BAIAP2: variants seen among roughly 807,000 people sequenced by gnomAD.
BAIAP2 encodes the protein BAR/IMD domain-containing adapter protein 2.
A neutral mutation model predicts 63.0 loss-of-function variants in BAIAP2; 18 were observed. That is an observed-to-expected ratio of 0.29 (90% CI 0.20 to 0.42). The LOEUF (loss-of-function observed/expected upper bound fraction) is 0.42, where lower values mean the gene tolerates loss of function less well. Among genes scored for constraint, BAIAP2 ranks in the 10% least tolerant of loss-of-function variants. BAIAP2 has a pLI of 1.00. For synonymous variants in BAIAP2, 386 were observed against 307.6 expected (o/e 1.25, Z -2.67); for missense variants, 610 against 734.3 (o/e 0.83, Z 1.96).
chr17:81,054,663 G>A (rs956123161), intron 2 of BAIAP2, among the ~76,000 whole-genome samples: 8 of 152,144 alleles, frequency 5.3e-5, no homozygotes, highest in East Asian at 1.9e-4. Flanking sequence ...ATGAGCGAAC[G>A]CCCTGCAGCT....
chr17:81,054,437 C>T (rs1028746526), intron 2 of BAIAP2, among the ~76,000 whole-genome samples: 7 of 152,286 alleles, frequency 4.6e-5, no homozygotes, highest in African/African-American at 9.6e-5. Flanking sequence ...AGCAACAAAG[C>T]TGGACAGCGG....
chr17:81,050,775 GCA>G, intron 1 of BAIAP2, among the ~76,000 whole-genome samples: 1 of 151,862 alleles, frequency 6.6e-6, no homozygotes, highest in Non-Finnish European at 1.5e-5. Context: ...ATGTGTGTAT[GCA>G]CACATGGGCA....
chr17:81,109,342 G>T, intron 13 of BAIAP2: 2 of 1,092,812 alleles, frequency 1.8e-6, no homozygotes, highest in Non-Finnish European at 2.2e-6. Flanking sequence ...CCGTGAGCCA[G>T]GTCTAAAGTT....
chr17:81,108,777 C>G, intron 13 of BAIAP2: 2 of 1,004,730 alleles, frequency 2.0e-6, no homozygotes, highest in Non-Finnish European at 1.4e-6. Context: ...GTAGCTGAGG[C>G]TGGCATCCAT....
At chr17:81,067,263 G>A (rs2051657150) in intron 3 of BAIAP2, among the ~76,000 whole-genome samples, 1 of 152,248 alleles carries the variant, frequency 6.6e-6, no homozygotes, top group Admixed American at 6.5e-5. Flanking sequence ...TGGGAAGGAC[G>A]CTGCCCTGGG....
At chr17:81,041,448 G>C (rs111640376) in intron 1 of BAIAP2, among the ~76,000 whole-genome samples, 1 of 152,362 alleles carries the variant, frequency 6.6e-6, no homozygotes, top group African/African-American at 2.4e-5. Context: ...TGGGGGAAAG[G>C]CTGTCAGTTA....
At chr17:81,111,596 G>C (rs949633880) in intron 13 of BAIAP2, among the ~76,000 whole-genome samples, 4 of 152,274 alleles carry the variant, frequency 2.6e-5, no homozygotes, top group African/African-American at 9.6e-5. Context: ...GGTTTGAGCT[G>C]ACGCTCACTC....
rs756201391 is a variant in BAIAP2 at position 81,035,225 on chromosome 17, C to T, written c.-30C>T. ...CTGCCGCCGCTTGCGTCCCCCGCTC[C>T]GGTCTGTGGTGCAGCCGGGACCCAG... On this transcript the variant is annotated 5_prime_UTR_variant, in exon 1 of 14. Coordinates refer to ENST00000428708, the MANE Select transcript of BAIAP2 (RefSeq NM_001144888.2). The T allele has an allele frequency of 9.5e-6, 14 of 1,474,310 alleles. No individual in the cohort carries two copies. Among genetic ancestry groups the T allele is most frequent in the Middle Eastern group, 1.8e-4 (1 of 5,522 alleles). The allele number at this position is 1,474,310 out of a possible 1,614,324, so 91.3% of individuals were successfully genotyped here. A position where few individuals can be genotyped will look rare whatever the true frequency, so the allele number is the denominator to read the frequency against.
chr17:81,096,385 A>G (rs2057614821), intron 6 of BAIAP2, among the ~76,000 whole-genome samples: 2 of 152,146 alleles, frequency 1.3e-5, no homozygotes, highest in African/African-American at 2.4e-5. Context: ...AGGCTGCCCC[A>G]CTTAAGGGAT....
chr17:81,108,654 T>C (rs1165000073), intron 13 of BAIAP2, 145 bp downstream of exon 13: 1 of 1,079,494 alleles, frequency 9.3e-7, no homozygotes, highest in East Asian at 2.6e-5. Flanking sequence ...GCCGGGGATG[T>C]CCCTTAGGGC....
chr17:81,088,224 G>A (rs2056060571), intron 6 of BAIAP2, among the ~76,000 whole-genome samples: 1 of 152,128 alleles, frequency 6.6e-6, no homozygotes, highest in Non-Finnish European at 1.5e-5. Context: ...CCAGGTGTGA[G>A]AGCTTGTCTT....
chr17:81,057,973 A>ACCCCCCCCCCCCCCCCCCCCCCCCCC lies in BAIAP2; in HGVS notation c.217+22_217+23insCCCCCCCCCCCCCCCCCCCCCCCCCC, dbSNP rs60972273. On this transcript the variant is annotated splice_region_variant and intron_variant, in intron 3 of 13. Transcript: ENST00000428708. ...CCAGGGCTCCAAAGAACTCGGTGAG[A>ACCCCCCCCCCCCCCCCCCCCCCCCCC]CCCCCCCCCCCCCCCCGCCTGGTAG... The ACCCCCCCCCCCCCCCCCCCCCCCCCC allele has an allele frequency of 3.9e-6, 3 of 765,814 alleles. No individual in the cohort carries two copies. Among genetic ancestry groups the ACCCCCCCCCCCCCCCCCCCCCCCCCC allele is most frequent in the South Asian group, 2.4e-5 (1 of 41,264 alleles). 47.4% of individuals were successfully genotyped at this position (765,814 alleles called of 1,614,324 possible).
Position 81,081,357 on chromosome 17 carries a change from G to A in BAIAP2, c.218-3475G>A, listed in dbSNP as rs974537533. On this transcript the variant is annotated intron_variant, in intron 3 of 13. Transcript: ENST00000428708. ...CCTCAGCACAGGGCAGTCTGCCCCC[G>A]GCCTGAAGCTTCCTGCGTCTGCTGT... 7.2e-5 allele frequency among the ~76,000 whole-genome samples: 11 copies of A among 152,202 alleles called. No homozygotes were observed. The East Asian group carries it at 7.7e-4, about 11-fold the overall frequency.
intron 6 of BAIAP2, among the ~76,000 whole-genome samples, chr17:81,096,871 C>A (rs115726040): frequency 2.4e-4 from 37 of 152,336 alleles, no homozygotes; most frequent in African/African-American, 8.4e-4. Flanking sequence ...GAGCAGGAAG[C>A]CCTGGTAGGT....
At chr17:81,051,995 G>A (rs2048747117) in intron 1 of BAIAP2, among the ~76,000 whole-genome samples, 1 of 152,224 alleles carries the variant, frequency 6.6e-6, no homozygotes, top group South Asian at 2.1e-4. Context: ...TGACCCAGCG[G>A]AATCTCTTAA....
intron 1 of BAIAP2, among the ~76,000 whole-genome samples, chr17:81,044,158 A>G (rs2047469594): frequency 6.6e-6 from 1 of 152,194 alleles, no homozygotes; most frequent in African/African-American, 2.4e-5. Flanking sequence ...GGGGCCGTAC[A>G]GGCATTCCTA....
Position 81,103,904 on chromosome 17 carries a change from CA to C in BAIAP2, c.865-2del. The C allele has an allele frequency of 6.2e-7, 1 of 1,612,822 alleles. No individual in the cohort carries two copies. The highest frequency in any genetic ancestry group is 8.5e-7 in the Non-Finnish European group (1 of 1,179,938). ...ACAGCCTGCTCTGCCTGCTTCCCTG[CA>C]GCGGATGTCTGCCCAGGAGAGCACA... On this transcript the variant is annotated splice_acceptor_variant, in intron 8 of 13. Transcript: ENST00000428708. LOFTEE classifies it high-confidence loss of function.
chr17:81,067,816 C>G (rs1429695987), intron 3 of BAIAP2, among the ~76,000 whole-genome samples: 1 of 152,246 alleles, frequency 6.6e-6, no homozygotes, highest in African/African-American at 2.4e-5. Context: ...TGGTCTCTCC[C>G]CTGAGATGCC....
rs114282298 is a variant in BAIAP2 at position 81,056,659 on chromosome 17, A to G, written c.131-1222A>G. 5.2e-3 allele frequency among the ~76,000 whole-genome samples: 788 copies of G among 152,238 alleles called. 5 individuals carry two copies. Among genetic ancestry groups the G allele is most frequent in the African/African-American group, 0.018 (750 of 41,526 alleles). On this transcript the variant is annotated intron_variant, in intron 2 of 13. Transcript: ENST00000428708. ...TTCCGCTCCTGTTTGGTTCCTCATG[A>G]GGGTGGCGGGGCTGAGTGTGGAGAC... is the stretch of plus-strand genomic sequence containing the variant.
Sources: gnomAD v4.1 joint callset for allele counts (sites outside exome capture counted in the v4.1 genomes callset) on GRCh38, gnomAD v4.1.1 for gene constraint, MANE v1.5 for transcripts, NCBI Gene and HGNC (gene_info 2026-07-23, HGNC 2026-07-21) for gene names.